Variants in SLIT3 observed in about 807,000 individuals in gnomAD.
SLIT3 encodes slit homolog 3 protein.
Under a neutral mutation model 184.0 loss-of-function variants are expected in SLIT3, and 68 were observed. That is an observed-to-expected ratio of 0.37 (90% CI 0.30 to 0.45). SLIT3 has a LOEUF of 0.45. Among genes scored for constraint, SLIT3 ranks in the 20% least tolerant of loss-of-function variants. The pLI is 1.00. For synonymous variants in SLIT3, 831 were observed against 828.6 expected (o/e 1.00, Z -0.05); for missense variants, 1,707 against 2,026.0 (o/e 0.84, Z 3.02).
At chr5:168,692,078 A>C (rs780294338) in intron 29 of SLIT3, among the ~76,000 whole-genome samples, 1 of 152,154 alleles carries the variant, frequency 6.6e-6, no homozygotes, top group Non-Finnish European at 1.5e-5. Context: ...CCATGGAGAC[A>C]GCTCCGCCAA....
intron 23 of SLIT3, among the ~76,000 whole-genome samples, chr5:168,715,723 A>G (rs1762703189): frequency 6.6e-6 from 1 of 152,226 alleles, no homozygotes; most frequent in Admixed American, 6.5e-5. Context: ...CCCAGGCTGG[A>G]GTGCAGTGGC....
intron 4 of SLIT3, among the ~76,000 whole-genome samples, 172 bp from the exon 5 acceptor site, chr5:168,883,508 A>C (rs1031586011): frequency 3.3e-5 from 5 of 152,202 alleles, no homozygotes; most frequent in African/African-American, 1.2e-4. Context: ...ATTGTTCTTC[A>C]AGTGATGGCC....
chr5:168,778,876 C>T (rs1755863382), intron 12 of SLIT3, among the ~76,000 whole-genome samples: 2 of 152,194 alleles, frequency 1.3e-5, no homozygotes. Context: ...GGCTGGACTG[C>T]CTGGTGAATA....
intron 4 of SLIT3, among the ~76,000 whole-genome samples, chr5:169,035,576 G>A (rs1240357563): frequency 9.9e-5 from 15 of 150,914 alleles, no homozygotes. Flanking sequence ...ATGAACCCAG[G>A]AGGTGGAGCT....
chr5:168,974,445 G>T (rs947525511), intron 4 of SLIT3, among the ~76,000 whole-genome samples: 5 of 152,236 alleles, frequency 3.3e-5, no homozygotes, highest in African/African-American at 1.2e-4. Context: ...TTTGGCTTCT[G>T]AATTTTGAAG....
chr5:169,045,666 G>A (rs1484310493), intron 4 of SLIT3, among the ~76,000 whole-genome samples: 2 of 152,196 alleles, frequency 1.3e-5, no homozygotes, highest in Admixed American at 6.5e-5. Flanking sequence ...GCACAGAGGT[G>A]TACAGTGACT....
intron 16 of SLIT3, among the ~76,000 whole-genome samples, chr5:168,755,517 C>G (rs1205856946): frequency 1.3e-5 from 2 of 151,470 alleles, no homozygotes; most frequent in Non-Finnish European, 2.9e-5. Flanking sequence ...TCACTGCAGC[C>G]TCTGCCCCCA....
At chr5:169,267,485 T>C (rs181229364) in intron 1 of SLIT3, among the ~76,000 whole-genome samples, 2 of 152,362 alleles carry the variant, frequency 1.3e-5, no homozygotes, top group Non-Finnish European at 2.9e-5. Context: ...TTGAGCTCTT[T>C]ATTGACAGTT....
intron 8 of SLIT3, among the ~76,000 whole-genome samples, chr5:168,810,595 G>A (rs1027009890): frequency 1.1e-4 from 16 of 152,188 alleles, no homozygotes; most frequent in African/African-American, 2.4e-4. Context: ...CTCAATACGC[G>A]TCTCCCCTCT....
intron 23 of SLIT3, chr5:168,720,570 AGGG>A: frequency 6.6e-6 from 1 of 152,196 alleles, no homozygotes; most frequent in Non-Finnish European, 1.5e-5. Flanking sequence ...GTTGGGATTG[AGGG>A]GGAATGGTAG....
At chr5:168,682,166 T>G (rs1254304196) in intron 32 of SLIT3, among the ~76,000 whole-genome samples, 1 of 152,222 alleles carries the variant, frequency 6.6e-6, no homozygotes, top group Non-Finnish European at 1.5e-5. Context: ...TGGTGTCCAC[T>G]GTGCCCAACT....
intron 4 of SLIT3, among the ~76,000 whole-genome samples, chr5:169,182,022 CCAA>C (rs1763175633): frequency 6.6e-6 from 1 of 152,112 alleles, no homozygotes; most frequent in Admixed American, 6.5e-5. Flanking sequence ...CCCAGACACG[CCAA>C]CAAGAGGCCA....
At chr5:169,256,766 T>C (rs1765974157) in intron 1 of SLIT3, among the ~76,000 whole-genome samples, 1 of 152,176 alleles carries the variant, frequency 6.6e-6, no homozygotes, top group Non-Finnish European at 1.5e-5. Context: ...CCTGTCATTA[T>C]GGTCAAGGAT....
intron 4 of SLIT3, among the ~76,000 whole-genome samples, chr5:169,187,475 G>C (rs968434353): frequency 6.6e-6 from 1 of 152,118 alleles, no homozygotes; most frequent in African/African-American, 2.4e-5. Flanking sequence ...ATCTGGGATA[G>C]GTGGGCCAAA....
intron 7 of SLIT3, among the ~76,000 whole-genome samples, chr5:168,819,369 C>T (rs565703773): frequency 2.6e-5 from 4 of 152,372 alleles, no homozygotes; most frequent in South Asian, 4.1e-4. Context: ...CCAAGGAACA[C>T]GGCAACAGTA....
intron 4 of SLIT3, among the ~76,000 whole-genome samples, chr5:169,155,544 C>G (rs1398025503): frequency 6.6e-6 from 1 of 152,174 alleles, no homozygotes; most frequent in African/African-American, 2.4e-5. Flanking sequence ...AGATACAAGG[C>G]TGGGACTGGG....
intron 9 of SLIT3, among the ~76,000 whole-genome samples, chr5:168,805,410 T>A (rs151055696): frequency 8.0e-4 from 122 of 152,244 alleles, no homozygotes; most frequent in African/African-American, 2.8e-3. Flanking sequence ...ATCTTTTATT[T>A]GGAGGGATTT....
intron 4 of SLIT3, among the ~76,000 whole-genome samples, chr5:169,055,316 G>A (rs1170391255): frequency 1.3e-5 from 2 of 152,130 alleles, no homozygotes; most frequent in African/African-American, 2.4e-5. Flanking sequence ...GGAGTTACGC[G>A]GTAATAGAAA....
intron 4 of SLIT3, among the ~76,000 whole-genome samples, chr5:169,088,883 G>A (rs931023218): frequency 6.6e-6 from 1 of 151,766 alleles, no homozygotes; most frequent in African/African-American, 2.4e-5. Context: ...AGCCAGGCAT[G>A]GTGGCGCATG....
Sources: gnomAD v4.1 joint callset for allele counts (sites outside exome capture counted in the v4.1 genomes callset) on GRCh38, gnomAD v4.1.1 for gene constraint, MANE v1.5 for transcripts, NCBI Gene and HGNC (gene_info 2026-07-23, HGNC 2026-07-21) for gene names.